NELL1: variants seen among roughly 807,000 people sequenced by gnomAD.
The protein encoded by NELL1 is protein kinase C-binding protein NELL1.
A neutral mutation model predicts 107.4 loss-of-function variants in NELL1; 76 were observed. That is an observed-to-expected ratio of 0.71 (90% CI 0.59 to 0.86). The LOEUF (loss-of-function observed/expected upper bound fraction) is 0.86, where lower values mean the gene tolerates loss of function less well. NELL1 is among the 40% of genes least tolerant of loss of function. The probability of loss-of-function intolerance (pLI) is 0.00; values close to 1 mark genes in which losing one functional copy is unlikely to be tolerated. For missense variants in NELL1, 1,024 were observed against 1,005.5 expected (o/e 1.02, Z -0.25); for synonymous variants, 353 against 341.2 (o/e 1.03, Z -0.38).
rs7111628 is a variant in NELL1, at chr11:20,715,243, A to T, written c.184+37183A>T. 1.7e-3 allele frequency among the ~76,000 whole-genome samples: 261 copies of T among 151,812 alleles called. 1 individual carries two copies. Among genetic ancestry groups the T allele is most frequent in the African/African-American group, 6.1e-3 (252 of 41,410 alleles). ...CTGGGGACAGAGTGAGAAAAAAAAA[A>T]TTATATATTGCGCTTAATTCCTAGT... On this transcript the variant is annotated intron_variant, in intron 2 of 19. Coordinates refer to ENST00000357134, the MANE Select transcript of NELL1 (RefSeq NM_006157.5).
At chr11:21,220,380 T>TC in intron 13 of NELL1, among the ~76,000 whole-genome samples, 1 of 152,328 alleles carries the variant, frequency 6.6e-6, no homozygotes, top group Non-Finnish European at 1.5e-5. Flanking sequence ...AGGCTTTTTT[T>TC]CTATTTCTGT....
intron 4 of NELL1, among the ~76,000 whole-genome samples, chr11:20,850,519 G>T (rs900474288): frequency 6.6e-6 from 1 of 152,108 alleles, no homozygotes; most frequent in Non-Finnish European, 1.5e-5. Flanking sequence ...TTATATATTT[G>T]TCTGTAACCC....
chr11:20,863,323 T>C (rs12807516), intron 4 of NELL1, among the ~76,000 whole-genome samples: 11,793 of 43,508 alleles, frequency 0.27, 1,610 homozygotes, highest in Non-Finnish European at 0.41. Flanking sequence ...CAGGGGCTGT[T>C]CTCCACCTCC....
chr11:20,915,700 G>T (rs12285809), intron 5 of NELL1, among the ~76,000 whole-genome samples: 3,452 of 29,418 alleles, frequency 0.12, 522 homozygotes, highest in East Asian at 0.34. Context: ...CCTCATAGAT[G>T]ATATATATAT....
intron 2 of NELL1, among the ~76,000 whole-genome samples, chr11:20,722,745 AG>A (rs1855420524): frequency 6.6e-6 from 1 of 152,242 alleles, no homozygotes; most frequent in South Asian, 2.1e-4. Flanking sequence ...CAAATACAAG[AG>A]AGTTCATTAC....
rs1853404453 is a variant in NELL1, at chr11:21,048,249, G to C, written c.1301-65340G>C. On this transcript the variant is annotated intron_variant, in intron 12 of 19. Coordinates refer to ENST00000357134, the MANE Select transcript of NELL1 (RefSeq NM_006157.5). ...GAGCTTTTTTTGAAAATAATTGCTA[G>C]ATGTCTTTTCCCATTTATTGTACAC... Among the ~76,000 whole-genome samples, 6 of 152,132 alleles carry C rather than the reference G, an allele frequency of 3.9e-5. No individual in the cohort carries two copies. The South Asian group carries it at 1.0e-3, about 26-fold the overall frequency.
In NELL1 at chr11:20,795,948, C is replaced by G. The variant is rs561152250; in HGVS notation, c.335+12118C>G. Among the ~76,000 whole-genome samples, 28 of 152,240 alleles carry G rather than the reference C, an allele frequency of 1.8e-4. No homozygotes were observed. The South Asian group carries it at 5.8e-3, about 32-fold the overall frequency. ...GTTTGCAGTTATCTTTAATTTACCT[C>G]AGACTCAGGGTTCTTCTAGGTAAAG... On this transcript the variant is annotated intron_variant, in intron 3 of 19. Coordinates refer to ENST00000357134, the MANE Select transcript of NELL1 (RefSeq NM_006157.5).
At chr11:21,522,834 C>CTTTTTTTTTTTTTTTTTTTTTTTT (rs66707466) in intron 15 of NELL1, among the ~76,000 whole-genome samples, 1 of 68,432 alleles carries the variant, frequency 1.5e-5, no homozygotes, top group Non-Finnish European at 2.5e-5. Flanking sequence ...TTTTTCTTTT[C>CTTTTTTTTTTTTTTTTTTTTTTTT]TTTTTTTTTT....
At chr11:21,324,451 T>G (rs966885684) in intron 14 of NELL1, among the ~76,000 whole-genome samples, 1 of 152,110 alleles carries the variant, frequency 6.6e-6, no homozygotes, top group African/African-American at 2.4e-5. Flanking sequence ...TCAAGAGATT[T>G]TACATTTTCT....
chr11:21,360,567 G>A (rs1021819673), intron 14 of NELL1, among the ~76,000 whole-genome samples: 1 of 152,026 alleles, frequency 6.6e-6, no homozygotes. Context: ...TTGATAATCT[G>A]TCTAGTGCTG....
At chr11:20,722,863 G>A (rs540334223) in intron 2 of NELL1, among the ~76,000 whole-genome samples, 50 of 151,372 alleles carry the variant, frequency 3.3e-4, no homozygotes, top group African/African-American at 1.2e-3. Flanking sequence ...TATAAAGAAA[G>A]GAGGTTTATT....
chr11:21,408,601 C>G (rs1447353096), intron 15 of NELL1, among the ~76,000 whole-genome samples: 1 of 151,988 alleles, frequency 6.6e-6, no homozygotes, highest in Non-Finnish European at 1.5e-5. Flanking sequence ...CGAAAATTTT[C>G]TCCCATTTTG....
intron 13 of NELL1, among the ~76,000 whole-genome samples, chr11:21,157,504 G>T (rs57341959): frequency 6.6e-6 from 1 of 152,056 alleles, no homozygotes; most frequent in African/African-American, 2.4e-5. Flanking sequence ...CATAGTACAC[G>T]CACTTATCTT....
chr11:21,053,268 C>A (rs560078101), intron 12 of NELL1, among the ~76,000 whole-genome samples: 33 of 152,266 alleles, frequency 2.2e-4, no homozygotes, highest in Admixed American at 1.0e-3. Context: ...TATCCCTCCC[C>A]TAGCCCCCCA....
intron 12 of NELL1, among the ~76,000 whole-genome samples, chr11:21,100,059 C>T (rs1025294075): frequency 1.3e-5 from 2 of 151,810 alleles, no homozygotes; most frequent in African/African-American, 4.8e-5. Flanking sequence ...CTTTGTTGCC[C>T]AGGCTGGAGT....
At chr11:20,828,166 G>A (rs543409889) in intron 3 of NELL1, among the ~76,000 whole-genome samples, 1 of 151,344 alleles carries the variant, frequency 6.6e-6, no homozygotes, top group African/African-American at 2.4e-5. Context: ...TGTAAACTAG[G>A]TATAATCATA....
chr11:21,287,418 T>G (rs1849149675), intron 14 of NELL1, among the ~76,000 whole-genome samples: 1 of 152,210 alleles, frequency 6.6e-6, no homozygotes, highest in South Asian at 2.1e-4. Context: ...CTTTCTTACT[T>G]AAAACCTTTA....
intron 13 of NELL1, among the ~76,000 whole-genome samples, chr11:21,169,504 G>A (rs1469306334): frequency 6.6e-6 from 1 of 151,782 alleles, no homozygotes; most frequent in Non-Finnish European, 1.5e-5. Flanking sequence ...TGTTACTGTT[G>A]GCTTGACTAT....
intron 15 of NELL1, among the ~76,000 whole-genome samples, chr11:21,465,486 G>A (rs1274231603): frequency 6.6e-6 from 1 of 151,986 alleles, no homozygotes; most frequent in Non-Finnish European, 1.5e-5. Flanking sequence ...ATAGCATTTG[G>A]CATCTTTCCA....
Sources: allele counts gnomAD v4.1 joint callset (sites outside exome capture counted in the v4.1 genomes callset), GRCh38; gene constraint gnomAD v4.1.1; transcripts MANE v1.5; gene names NCBI Gene and HGNC (gene_info 2026-07-23, HGNC 2026-07-21).